The following EME1 variants were observed in gnomAD, a reference collection of about 807,000 sequenced individuals.
The protein encoded by EME1 is structure-specific endonuclease subunit EME1.
EME1 carries 61 observed loss-of-function variants against 59.1 expected under a neutral mutation model. That is an observed-to-expected ratio of 1.03 (90% CI 0.84 to 1.28). The LOEUF (loss-of-function observed/expected upper bound fraction) is 1.28. EME1 is among the 50% of genes most tolerant of loss of function. The probability of loss-of-function intolerance (pLI) is 0.00; values close to 1 mark genes in which losing one functional copy is unlikely to be tolerated. For synonymous variants in EME1, 230 were observed against 254.2 expected (o/e 0.90, Z 0.90); for missense variants, 635 against 682.6 (o/e 0.93, Z 0.78).
chr17:50,376,019 C>G, intron 2 of EME1, 36 bp downstream of exon 2: 1 of 1,607,198 alleles, frequency 6.2e-7, no homozygotes, highest in South Asian at 1.1e-5. Context: ...GCTGAGTTAT[C>G]TGCGTTCTGG....
intron 5 of EME1, 102 bp downstream of exon 5, chr17:50,378,997 T>G (rs998313887): frequency 1.9e-6 from 3 of 1,611,586 alleles, no homozygotes; most frequent in Non-Finnish European, 1.7e-6. Flanking sequence ...CTCTGCAAGG[T>G]AGTCCATCTC....
rs1005577766 is a variant in EME1, at chr17:50,379,477, C to T, written c.1256C>T (p.Thr419Ile). 5.0e-6 allele frequency: 8 copies of T among 1,614,076 alleles called. No homozygotes were observed. The Admixed American group carries it at 1.0e-4, about 20-fold the overall frequency. The change falls in exon 7 of 9, where the codon ACA (threonine) becomes ATA (isoleucine). Residue 419 changes from threonine to isoleucine, a missense_variant. Transcript: ENST00000338165. Reference protein sequence around the residue: ...EEALVDLQLHTEAQAQIVQSW... With the variant: ...EEALVDLQLHIEAQAQIVQSW... ...GCATTGGTGGATCTGCAGCTACACA[C>T]AGAAGCCCAGGCTCAAATTGTGCAG...
intron 3 of EME1, among the ~76,000 whole-genome samples, chr17:50,378,315 C>T (rs1375042109): frequency 1.3e-5 from 2 of 151,672 alleles, no homozygotes; most frequent in Non-Finnish European, 2.9e-5. Flanking sequence ...CTGCCCACCT[C>T]GGCCTCCCAA....
rs760375508 is a variant in EME1 at position 50,380,993 on chromosome 17, T to C, written c.*54T>C. The C allele has an allele frequency of 2.4e-5, 38 of 1,595,340 alleles. No homozygotes were observed. The highest frequency in any genetic ancestry group is 3.3e-5 in the Non-Finnish European group (38 of 1,165,964). On this transcript the variant is annotated 3_prime_UTR_variant, in exon 9 of 9. Transcript: ENST00000338165. ...GCTGGAAACTTCCACTTCCCCAACC[T>C]CAGAGCCTGACTGTAATGAAGAGAC...
chr17:50,379,401 C>T (rs766789190), intron 6 of EME1, 51 bp from the exon 7 acceptor site: 92 of 1,595,882 alleles, frequency 5.8e-5, no homozygotes, highest in Non-Finnish European at 1.7e-6. Flanking sequence ...AGTGACTTGG[C>T]AGCTAGTCTC....
chr17:50,379,641 G>A (rs1913685441), intron 7 of EME1, 74 bp downstream of exon 7: 2 of 1,321,050 alleles, frequency 1.5e-6, no homozygotes, highest in Admixed American at 1.9e-5. Flanking sequence ...CAAAGCAAAT[G>A]TCCCTTTCCC....
Position 50,380,832 on chromosome 17 carries a change from G to A in EME1, c.1606G>A (p.Glu536Lys), listed in dbSNP as rs371711162. The change falls in exon 9 of 9, where the codon GAA becomes AAA. Residue 536 changes from glutamate (E) to lysine (K), a missense_variant. By Grantham distance (56) the Glu-to-Lys change is moderately conservative. Transcript: ENST00000338165. ...LLADIQVRRG[E>K]GVTSTSRRIG... The stretch of plus-strand genomic sequence containing the variant: ...CGCAGACATACAGGTGCGCCGTGGG[G>A]AAGGTGTGACATCCACTTCTCGCCG... 8.7e-6 allele frequency: 14 copies of A among 1,614,100 alleles called. No individual in the cohort carries two copies. In the African/African-American group the frequency reaches 1.7e-4, roughly 20 times the overall value.
rs533515703 is a variant in EME1 at position 50,376,878 on chromosome 17, C to T, written c.903+685C>T. On this transcript the variant is annotated intron_variant, in intron 3 of 8. Transcript: ENST00000338165. ...TGACACCCAGCTGGGAGCCAGAAGACATGTGGGCCCTGTGTTTTTTGTAGA... is the reference window on the plus strand; with the variant it reads ...TGACACCCAGCTGGGAGCCAGAAGATATGTGGGCCCTGTGTTTTTTGTAGA... Among the ~76,000 whole-genome samples the T allele has an allele frequency of 2.6e-5, 4 of 152,308 alleles. No individual in the cohort carries two copies. The South Asian group carries it at 6.2e-4, about 24-fold the overall frequency.
chr17:50,374,610 G>A (rs1210087388), intron 1 of EME1, among the ~76,000 whole-genome samples: 5 of 152,096 alleles, frequency 3.3e-5, no homozygotes, highest in Non-Finnish European at 5.9e-5. Context: ...TCAGCACTTT[G>A]GGAGGCCAAG....
intron 1 of EME1, 65 bp from the exon 2 acceptor site, chr17:50,375,120 T>C (rs17714829): frequency 0.068 from 88,028 of 1,299,526 alleles, 3,336 homozygotes; most frequent in Non-Finnish European, 0.077. Flanking sequence ...AGCCTGGCTA[T>C]GGAACACAGC....
At chr17:50,376,650 T>C (rs1913486527) in intron 3 of EME1, among the ~76,000 whole-genome samples, 1 of 152,188 alleles carries the variant, frequency 6.6e-6, no homozygotes. Context: ...TTACCATCCC[T>C]ATGCCTGAAG....
At position 50,375,548 on chromosome 17, in the gene EME1, G is replaced by A. The variant is rs141978919; in HGVS notation, c.340G>A (p.Asp114Asn). 6.7e-4 allele frequency: 1,076 copies of A among 1,614,174 alleles called. 2 individuals carry two copies. Among genetic ancestry groups the A allele is most frequent in the Non-Finnish European group, 8.4e-4 (989 of 1,180,028 alleles). The change falls in exon 2 of 9, where the codon GAC becomes AAC. Residue 114 changes from aspartate to asparagine, a missense_variant. Coordinates refer to ENST00000338165, the MANE Select transcript of EME1 (RefSeq NM_152463.4). The stretch of plus-strand genomic sequence containing the variant: ...GACCCACAAGCAACTGAGCCCTGAG[G>A]ACTCTAGCTCCCCAGTTAAAAGTGT... ...FLTHKQLSPE[D>N]SSSPVKSVLD...
rs1375259622 is a variant in EME1 at position 50,381,443 on chromosome 17, G to A, written c.*504G>A. ...GTATTATGTATTTAGTTTCAATAAA[G>A]CATTTGTACCAATGGCTCTGGAGCT... On this transcript the variant is annotated 3_prime_UTR_variant, in exon 9 of 9. Transcript: ENST00000338165. 1 of 159,610 alleles carries A rather than the reference G, an allele frequency of 6.3e-6. No homozygotes were observed. Among genetic ancestry groups the A allele is most frequent in the South Asian group, 1.8e-4 (1 of 5,574 alleles). 9.9% of individuals were successfully genotyped at this position (159,610 alleles called of 1,614,324 possible). A position where few individuals can be genotyped will look rare whatever the true frequency, so the allele number is the denominator to read the frequency against.
chr17:50,373,998 G>C (rs1185432998), intron 1 of EME1, among the ~76,000 whole-genome samples: 1 of 152,206 alleles, frequency 6.6e-6, no homozygotes. Context: ...AGGCCACATA[G>C]TGTATGATTC....
In EME1 at chr17:50,379,152, G is replaced by A. The variant is rs1328175634; in HGVS notation, c.1158G>A (p.Gln386=). ...PRRGKQGANK[Q]TKKQQQRQPE... ...GAGGGAAACAGGGAGCAAATAAACA[G>A]ACCAAGAAGCAGCAGCAGAGACAAC... The change falls in exon 6 of 9, where the codon CAG becomes CAA. Residue 386 remains glutamine, a synonymous_variant. Coordinates refer to ENST00000338165, the MANE Select transcript of EME1 (RefSeq NM_152463.4). The A allele has an allele frequency of 6.2e-7, 1 of 1,614,182 alleles. No homozygotes were observed. Among genetic ancestry groups the A allele is most frequent in the South Asian group, 1.1e-5 (1 of 91,076 alleles).
In EME1 at chr17:50,375,239, G is replaced by A. The variant is rs1379215824; in HGVS notation, c.31G>A (p.Asp11Asn). MALKKSSPSLDSGDSDSEELP... is the reference protein window; with the variant it reads MALKKSSPSLNSGDSDSEELP... ...TCTAAAGAAGTCATCACCCTCACTG[G>A]ATTCTGGTGATAGTGACTCTGAGGA... is the stretch of plus-strand genomic sequence containing the variant. Residue 11 changes from aspartate (D) to asparagine (N), a missense_variant, in exon 2 of 9, where the codon GAT (aspartate) becomes AAT (asparagine). Transcript: ENST00000338165. 1.9e-6 allele frequency: 3 copies of A among 1,614,138 alleles called. No homozygotes were observed. Among genetic ancestry groups the A allele is most frequent in the Non-Finnish European group, 2.5e-6 (3 of 1,180,038 alleles).
At chr17:50,373,372 T>C in intron 1 of EME1, 95 bp downstream of exon 1, 1 of 673,096 alleles carries the variant, frequency 1.5e-6, no homozygotes, top group Non-Finnish European at 2.5e-6. Flanking sequence ...TCCAGGAGCC[T>C]CTGCAGCGGA....
chr17:50,374,255 T>C (rs975641212), intron 1 of EME1, among the ~76,000 whole-genome samples: 8 of 152,186 alleles, frequency 5.3e-5, no homozygotes, highest in African/African-American at 1.9e-4. Context: ...ATTTTTCTTT[T>C]GAAGCAGGGT....
Position 50,375,525 on chromosome 17 carries a change from C to G in EME1, c.317C>G (p.Thr106Ser). ...LAQRLTCKFLTHKQLSPEDSS... is the reference protein window; with the variant it reads ...LAQRLTCKFLSHKQLSPEDSS... ...CAAAGGCTTACATGTAAGTTTCTGA[C>G]CCACAAGCAACTGAGCCCTGAGGAC... Residue 106 changes from threonine (T) to serine (S), a missense_variant, in exon 2 of 9, where the codon ACC becomes AGC. Transcript: ENST00000338165. The G allele has an allele frequency of 6.2e-7, 1 of 1,613,730 alleles. No homozygotes were observed. Among genetic ancestry groups the G allele is most frequent in the South Asian group, 1.1e-5 (1 of 91,034 alleles).
Sources: allele counts gnomAD v4.1 joint callset (sites outside exome capture counted in the v4.1 genomes callset), GRCh38; gene constraint gnomAD v4.1.1; transcripts MANE v1.5; gene names NCBI Gene and HGNC (gene_info 2026-07-23, HGNC 2026-07-21).